Variants in KHDRBS2 observed in about 807,000 individuals in gnomAD.
The protein encoded by KHDRBS2 is KH domain-containing, RNA-binding, signal transduction-associated protein 2.
In KHDRBS2, 26 loss-of-function variants were observed where a neutral mutation model predicts 44.3. The observed-to-expected ratio is 0.59, with a 90% CI of 0.43 to 0.81. KHDRBS2 has a LOEUF of 0.81. Among genes scored for constraint, KHDRBS2 ranks in the 40% least tolerant of loss-of-function variants. The pLI, the probability that KHDRBS2 is intolerant of heterozygous loss-of-function variation, is 0.00. For missense variants in KHDRBS2, 476 were observed against 433.1 expected (o/e 1.10, Z -0.88); for synonymous variants, 194 against 151.1 (o/e 1.28, Z -2.08).
chr6:62,096,707 CTA>C (rs1263308662), intron 2 of KHDRBS2, among the ~76,000 whole-genome samples: 2 of 151,884 alleles, frequency 1.3e-5, no homozygotes, highest in Non-Finnish European at 1.5e-5. Context: ...TAAAAAATCT[CTA>C]TTTCACTTAT....
intron 3 of KHDRBS2, among the ~76,000 whole-genome samples, chr6:62,006,597 A>G (rs1779271081): frequency 6.6e-6 from 1 of 152,020 alleles, no homozygotes; most frequent in Non-Finnish European, 1.5e-5. Flanking sequence ...GATTCAGCTA[A>G]CAATAATAAA....
chr6:62,049,239 G>A (rs1360840101), intron 2 of KHDRBS2, among the ~76,000 whole-genome samples: 1 of 151,372 alleles, frequency 6.6e-6, no homozygotes, highest in African/African-American at 2.4e-5. Context: ...AACCAAATTT[G>A]AAAAGTAAAG....
At chr6:61,578,801 A>G in the KHDRBS2 span, among the ~76,000 whole-genome samples, 1 of 152,150 alleles carries the variant, frequency 6.6e-6, no homozygotes, top group Non-Finnish European at 1.5e-5. Flanking sequence ...GAGGGCAATG[A>G]GAAGAGGATT....
chr6:62,120,943 G>T (rs1164219070), intron 2 of KHDRBS2, among the ~76,000 whole-genome samples: 1 of 152,156 alleles, frequency 6.6e-6, no homozygotes, highest in Non-Finnish European at 1.5e-5. Context: ...AAAGAGGAAT[G>T]TTCAGACTTT....
chr6:62,180,937 G>C (rs1822137187), intron 1 of KHDRBS2, among the ~76,000 whole-genome samples: 1 of 149,960 alleles, frequency 6.7e-6, no homozygotes, highest in African/African-American at 2.4e-5. Context: ...ATGTACAAGG[G>C]AGAAAAAAAG....
intron 2 of KHDRBS2, among the ~76,000 whole-genome samples, chr6:62,094,922 TTC>T (rs1250739877): frequency 4.0e-5 from 6 of 151,876 alleles, no homozygotes; most frequent in Admixed American, 3.9e-4. Context: ...TGGTCTATGT[TTC>T]TGTTTTTATG....
the KHDRBS2 span, among the ~76,000 whole-genome samples, chr6:61,644,138 A>T: frequency 2.0e-5 from 3 of 152,186 alleles, no homozygotes; most frequent in Admixed American, 6.5e-5. Flanking sequence ...TAGAGAGACC[A>T]GAAATAAGGC....
At chr6:61,595,407 T>C in the KHDRBS2 span, among the ~76,000 whole-genome samples, 2 of 152,152 alleles carry the variant, frequency 1.3e-5, no homozygotes, top group African/African-American at 4.8e-5. Flanking sequence ...TAACTTTCTG[T>C]ATCCATTTCC....
intron 6 of KHDRBS2, among the ~76,000 whole-genome samples, chr6:61,775,797 A>G (rs1781880512): frequency 6.6e-6 from 1 of 152,184 alleles, no homozygotes; most frequent in Non-Finnish European, 1.5e-5. Context: ...AACTACTTTA[A>G]ATTTCATATG....
chr6:61,758,700 C>T (rs1778859750), intron 6 of KHDRBS2, among the ~76,000 whole-genome samples: 1 of 152,006 alleles, frequency 6.6e-6, no homozygotes, highest in African/African-American at 2.4e-5. Flanking sequence ...TATACTCATG[C>T]TGTATGATTT....
At chr6:61,595,535 G>A in the KHDRBS2 span, among the ~76,000 whole-genome samples, 93,483 of 151,732 alleles carry the variant, frequency 0.62, 28,999 homozygotes, top group Non-Finnish European at 0.65. Context: ...AGCATATCTT[G>A]CTTCTCTCAT....
chr6:61,671,001 T>C, the KHDRBS2 span, among the ~76,000 whole-genome samples: 2 of 151,534 alleles, frequency 1.3e-5, no homozygotes, highest in South Asian at 2.1e-4. Flanking sequence ...CCATATGGTA[T>C]TGCGAAAATG....
chr6:62,283,037 G>A (rs957326604), intron 1 of KHDRBS2, among the ~76,000 whole-genome samples: 3 of 152,100 alleles, frequency 2.0e-5, no homozygotes, highest in African/African-American at 7.2e-5. Context: ...ACCAAATTCA[G>A]ACACTGAGTA....
the KHDRBS2 span, among the ~76,000 whole-genome samples, chr6:61,588,726 C>T: frequency 1.3e-5 from 2 of 151,826 alleles, no homozygotes; most frequent in Non-Finnish European, 2.9e-5. Context: ...CGGGAGGTCA[C>T]GGTTGCAGTG....
intron 3 of KHDRBS2, among the ~76,000 whole-genome samples, chr6:61,989,092 T>A (rs1775629416): frequency 6.6e-6 from 1 of 152,168 alleles, no homozygotes; most frequent in African/African-American, 2.4e-5. Flanking sequence ...AAAATAGATT[T>A]CCCCACTCTC....
rs1386946285 is a variant in KHDRBS2, at chr6:61,680,632, T to C, written c.*331A>G. ...TCAAAATCTGTTAACAAATTCATGC[T>C]TTTCCTCAAAAAAAAAAAAAAGAAA... is the stretch of plus-strand genomic sequence containing the variant. On this transcript the variant is annotated 3_prime_UTR_variant, in exon 9 of 9. Transcript: ENST00000281156. The C allele has an allele frequency of 7.5e-6, 1 of 133,986 alleles. No homozygotes were observed. The highest frequency in any genetic ancestry group is 8.4e-5 in the Admixed American group (1 of 11,974). The allele number at this position is 133,986 out of a possible 1,614,324, so 8.3% of individuals were successfully genotyped here.
At chr6:61,910,459 T>G (rs1191412064) in intron 4 of KHDRBS2, among the ~76,000 whole-genome samples, 1 of 152,220 alleles carries the variant, frequency 6.6e-6, no homozygotes, top group African/African-American at 2.4e-5. Context: ...CTTTGTATCT[T>G]AAATGGTGAG....
At chr6:62,112,268 A>G (rs1052652515) in intron 2 of KHDRBS2, among the ~76,000 whole-genome samples, 2 of 152,156 alleles carry the variant, frequency 1.3e-5, no homozygotes, top group African/African-American at 4.8e-5. Context: ...TTCTTTTATG[A>G]GATTGGAATA....
the KHDRBS2 span, among the ~76,000 whole-genome samples, chr6:61,556,342 C>A: frequency 1.3e-5 from 2 of 152,170 alleles, no homozygotes. Context: ...AGAAAAATCA[C>A]ATTTTTTTAA....
Sources: allele counts gnomAD v4.1 joint callset (sites outside exome capture counted in the v4.1 genomes callset), GRCh38; gene constraint gnomAD v4.1.1; transcripts MANE v1.5; gene names NCBI Gene and HGNC (gene_info 2026-07-23, HGNC 2026-07-21).